The following HMG20A variants were observed in gnomAD, a reference collection of about 807,000 sequenced individuals.
The protein encoded by HMG20A is high mobility group protein 20A.
A neutral mutation model predicts 43.9 loss-of-function variants in HMG20A; 17 were observed. That is an observed-to-expected ratio of 0.39 (90% CI 0.27 to 0.58). The LOEUF (loss-of-function observed/expected upper bound fraction) is 0.58. Ranked by LOEUF, HMG20A falls within the 20% of genes least tolerant of loss-of-function variation. The probability of loss-of-function intolerance (pLI) is 0.59; values close to 1 mark genes in which losing one functional copy is unlikely to be tolerated. For synonymous variants in HMG20A, 132 were observed against 147.5 expected, an observed-to-expected ratio of 0.89 and a Z score of 0.76; for missense variants, 341 against 438.2, an observed-to-expected ratio of 0.78 and a Z score of 1.98.
At chr15:77,474,714 G>C (rs1245533454) in intron 6 of HMG20A, among the ~76,000 whole-genome samples, 1 of 152,162 alleles carries the variant, frequency 6.6e-6, no homozygotes, top group Non-Finnish European at 1.5e-5. Context: ...TAGAGCTAAA[G>C]AAATGCTGAC....
At chr15:77,457,436 G>A (rs893228052) in intron 1 of HMG20A, among the ~76,000 whole-genome samples, 2 of 152,166 alleles carry the variant, frequency 1.3e-5, no homozygotes, top group Non-Finnish European at 2.9e-5. Flanking sequence ...TGTGTAAGTG[G>A]CTGATGTTTG....
the HMG20A span, among the ~76,000 whole-genome samples, chr15:77,515,936 A>G: frequency 6.6e-6 from 1 of 152,158 alleles, no homozygotes; most frequent in Non-Finnish European, 1.5e-5. Context: ...GGAGCCTGCA[A>G]GGGTCCCATG....
chr15:77,465,413 TG>T (rs2072748218), intron 3 of HMG20A, among the ~76,000 whole-genome samples: 1 of 151,064 alleles, frequency 6.6e-6, no homozygotes, highest in African/African-American at 2.4e-5. Flanking sequence ...TTTTTTTTTT[TG>T]AGGTGGAGTC....
the HMG20A span, among the ~76,000 whole-genome samples, chr15:77,516,529 C>T: frequency 6.6e-6 from 1 of 152,112 alleles, no homozygotes; most frequent in Non-Finnish European, 1.5e-5. Context: ...GGTCACACAT[C>T]CTCCACTGTA....
At position 77,420,920 on chromosome 15, in the gene HMG20A, C is replaced by A. The variant is rs551104058; in HGVS notation, c.-89C>A. ...AGACGACGAGTGCGTGAAGTGAAGG[C>A]GATTGAGAGGGGCTGAGGGAATTGT... On this transcript the variant is annotated 5_prime_UTR_variant, in exon 1 of 10. Coordinates refer to ENST00000336216, the MANE Select transcript of HMG20A (RefSeq NM_001304504.2). 1 of 398,710 alleles carries A rather than the reference C, an allele frequency of 2.5e-6. No homozygotes were observed. The highest frequency in any genetic ancestry group is 4.4e-6 in the Non-Finnish European group (1 of 226,130). 24.7% of individuals were successfully genotyped at this position (398,710 alleles called of 1,614,324 possible).
downstream of HMG20A, among the ~76,000 whole-genome samples, chr15:77,486,804 G>C (rs1349170928): frequency 6.6e-6 from 1 of 152,204 alleles, no homozygotes; most frequent in Non-Finnish European, 1.5e-5. Flanking sequence ...TAAGGTAACA[G>C]AATCCACCTT....
At chr15:77,434,379 C>T (rs370715878) in intron 1 of HMG20A, among the ~76,000 whole-genome samples, 1 of 151,800 alleles carries the variant, frequency 6.6e-6, no homozygotes, top group African/African-American at 2.4e-5. Flanking sequence ...AAATTAAAAA[C>T]TTCATAAACT....
At chr15:77,502,964 C>T in the HMG20A span, among the ~76,000 whole-genome samples, 3 of 152,196 alleles carry the variant, frequency 2.0e-5, no homozygotes, top group East Asian at 3.9e-4. Flanking sequence ...GAAGCCCTGT[C>T]GCAAAAACAA....
chr15:77,462,262 A>G (rs1345742647), intron 2 of HMG20A, among the ~76,000 whole-genome samples: 1 of 152,014 alleles, frequency 6.6e-6, no homozygotes, highest in African/African-American at 2.4e-5. Context: ...ATTAGCCACT[A>G]CCCTTCTCAA....
downstream of HMG20A, among the ~76,000 whole-genome samples, chr15:77,487,328 A>G (rs2072950765): frequency 6.6e-6 from 1 of 152,258 alleles, no homozygotes; most frequent in African/African-American, 2.4e-5. Context: ...GTAGGCAACT[A>G]ATGTTAATTT....
chr15:77,514,103 G>T, the HMG20A span, among the ~76,000 whole-genome samples: 4 of 152,128 alleles, frequency 2.6e-5, no homozygotes, highest in Non-Finnish European at 5.9e-5. Flanking sequence ...CACATTAGGG[G>T]TTAGGACTTT....
At chr15:77,508,956 C>T in the HMG20A span, among the ~76,000 whole-genome samples, 1 of 152,204 alleles carries the variant, frequency 6.6e-6, no homozygotes, top group Admixed American at 6.5e-5. Flanking sequence ...GGAGCTGCTT[C>T]CCATGGCCTC....
chr15:77,437,006 C>T (rs771136710), intron 1 of HMG20A, among the ~76,000 whole-genome samples: 1 of 152,140 alleles, frequency 6.6e-6, no homozygotes, highest in Admixed American at 6.5e-5. Flanking sequence ...CCGCCTTTCA[C>T]TTCCTCCAAA....
At chr15:77,426,990 C>T (rs2073434255) in intron 1 of HMG20A, among the ~76,000 whole-genome samples, 2 of 152,084 alleles carry the variant, frequency 1.3e-5, no homozygotes, top group African/African-American at 4.8e-5. Flanking sequence ...CATCTTATGA[C>T]CTTGAAGGAA....
the HMG20A span, among the ~76,000 whole-genome samples, chr15:77,503,112 C>A: frequency 6.6e-6 from 1 of 152,180 alleles, no homozygotes; most frequent in Non-Finnish European, 1.5e-5. Context: ...AAGGAAGATG[C>A]AACTTCTATC....
chr15:77,433,623 A>T (rs60009961), intron 1 of HMG20A, among the ~76,000 whole-genome samples: 6 of 152,252 alleles, frequency 3.9e-5, no homozygotes, highest in African/African-American at 1.4e-4. Flanking sequence ...TAGAATTAAT[A>T]AGCAAACTTA....
chr15:77,459,592 A>G (rs577451155), intron 2 of HMG20A, among the ~76,000 whole-genome samples: 14 of 152,216 alleles, frequency 9.2e-5, no homozygotes, highest in Non-Finnish European at 1.6e-4. Context: ...AAAGACCTGA[A>G]GGAAATAAGG....
the HMG20A span, among the ~76,000 whole-genome samples, chr15:77,499,796 A>G: frequency 6.6e-6 from 1 of 152,086 alleles, no homozygotes; most frequent in Admixed American, 6.6e-5. Context: ...CAACTTTTCT[A>G]AAATGCAAGA....
In HMG20A at chr15:77,485,308, C is replaced by G. The variant is rs1363234882; in HGVS notation, c.*2345C>G. 6.6e-6 allele frequency: 1 copy of G among 152,612 alleles called. No homozygotes were observed. The highest frequency in any genetic ancestry group is 6.5e-5 in the Admixed American group (1 of 15,282). The allele number at this position is 152,612 out of a possible 1,614,324, so 9.5% of individuals were successfully genotyped here. ...TACCTAACTCATGTTTCCCAGTACA[C>G]CTGTAGATATTACTGTACTTTTATG... On this transcript the variant is annotated 3_prime_UTR_variant, in exon 10 of 10. Coordinates refer to ENST00000336216, the MANE Select transcript of HMG20A (RefSeq NM_001304504.2).
Sources: allele counts gnomAD v4.1 joint callset (sites outside exome capture counted in the v4.1 genomes callset), GRCh38; gene constraint gnomAD v4.1.1; transcripts MANE v1.5; gene names NCBI Gene and HGNC (gene_info 2026-07-23, HGNC 2026-07-21).